C12orf42: variants seen among roughly 807,000 people sequenced by gnomAD.
C12orf42 encodes uncharacterized protein C12orf42.
A neutral mutation model predicts 21.6 loss-of-function variants in C12orf42; 25 were observed. The observed-to-expected ratio is 1.16, with a 90% CI of 0.84 to 1.62. The LOEUF (loss-of-function observed/expected upper bound fraction) is 1.62, where lower values mean the gene tolerates loss of function less well. Ranked by LOEUF, C12orf42 falls within the 40% of genes most tolerant of loss-of-function variation. C12orf42 has a pLI of 0.00. For synonymous variants in C12orf42, 174 were observed against 175.0 expected (o/e 0.99, Z 0.05); for missense variants, 483 against 459.3 (o/e 1.05, Z -0.47).
downstream of C12orf42, among the ~76,000 whole-genome samples, chr12:103,234,140 T>C (rs1352338260): frequency 6.6e-6 from 1 of 152,216 alleles, no homozygotes; most frequent in Non-Finnish European, 1.5e-5. Flanking sequence ...AGCCTTGGCA[T>C]CCCTGGGATA....
At chr12:103,187,116 C>G in the C12orf42 span, among the ~76,000 whole-genome samples, 2 of 152,112 alleles carry the variant, frequency 1.3e-5, no homozygotes, top group Non-Finnish European at 2.9e-5. Flanking sequence ...TAGACTCATT[C>G]TCTTGGAGGG....
intron 2 of C12orf42, among the ~76,000 whole-genome samples, chr12:103,440,218 T>G (rs901423921): frequency 7.4e-6 from 1 of 135,798 alleles, no homozygotes; most frequent in East Asian, 2.2e-4. Context: ...TGAGATCACA[T>G]GGACACAGGA....
At chr12:103,403,118 G>T (rs1468342810) in intron 2 of C12orf42, among the ~76,000 whole-genome samples, 1 of 152,176 alleles carries the variant, frequency 6.6e-6, no homozygotes, top group Non-Finnish European at 1.5e-5. Flanking sequence ...GCTCACACGT[G>T]TAATCCCAGC....
At chr12:103,185,178 C>T in the C12orf42 span, among the ~76,000 whole-genome samples, 4 of 152,076 alleles carry the variant, frequency 2.6e-5, no homozygotes, top group Admixed American at 2.0e-4. Context: ...CTATTGTAGA[C>T]ATTTAGGATT....
chr12:103,393,075 CT>C (rs767118081), intron 3 of C12orf42, among the ~76,000 whole-genome samples: 2 of 152,086 alleles, frequency 1.3e-5, no homozygotes, highest in African/African-American at 2.4e-5. Context: ...TATTTAATTC[CT>C]TTTTTGGTCA....
At chr12:103,092,072 G>A in the C12orf42 span, among the ~76,000 whole-genome samples, 1 of 152,276 alleles carries the variant, frequency 6.6e-6, no homozygotes, top group South Asian at 2.1e-4. Context: ...GGTTTGCTAT[G>A]TTCTTGTTTG....
intron 4 of C12orf42, among the ~76,000 whole-genome samples, chr12:103,277,765 A>G (rs1593265951): frequency 6.6e-6 from 1 of 151,712 alleles, no homozygotes; most frequent in South Asian, 2.1e-4. Flanking sequence ...GACCACAGGC[A>G]CCCGCCAAAA....
At chr12:103,118,677 A>G in the C12orf42 span, among the ~76,000 whole-genome samples, 1 of 143,474 alleles carries the variant, frequency 7.0e-6, no homozygotes, top group Admixed American at 7.2e-5. Flanking sequence ...GGGCGCCTGT[A>G]GTCCCAGCTA....
At chr12:103,497,218 T>A (rs1044135657), upstream of C12orf42, among the ~76,000 whole-genome samples, 2 of 152,210 alleles carry the variant, frequency 1.3e-5, no homozygotes, top group African/African-American at 4.8e-5. Flanking sequence ...GGCTTTGACA[T>A]AATAGATGAA....
rs116786080 is a variant in C12orf42, at chr12:103,402,078, C to T, written c.79-403G>A. Reference sequence around the variant, plus strand: ...ACCTCCCATAGCCTGAAGCCCATCCCAGCTGAGCCCAATGCAGCCATAGTC... The same window carrying T: ...ACCTCCCATAGCCTGAAGCCCATCCTAGCTGAGCCCAATGCAGCCATAGTC... On this transcript the variant is annotated intron_variant, in intron 2 of 5. Transcript: ENST00000548883. Among the ~76,000 whole-genome samples the T allele has an allele frequency of 5.6e-3, 850 of 152,292 alleles. 9 individuals carry two copies. Among genetic ancestry groups the T allele is most frequent in the African/African-American group, 0.02 (820 of 41,562 alleles).
At chr12:103,559,924 G>A in the C12orf42 span, 1 of 152,170 alleles carries the variant, frequency 6.6e-6, no homozygotes, top group African/African-American at 2.4e-5. Context: ...ATGCTTCAAA[G>A]TTGTTTAATT....
At chr12:103,287,903 G>A (rs2136346132) in intron 4 of C12orf42, among the ~76,000 whole-genome samples, 1 of 152,236 alleles carries the variant, frequency 6.6e-6, no homozygotes, top group South Asian at 2.1e-4. Context: ...CGGAGCTGGA[G>A]CAAAGAGGAA....
chr12:103,376,092 C>T (rs1191460285), intron 3 of C12orf42, among the ~76,000 whole-genome samples: 1 of 152,136 alleles, frequency 6.6e-6, no homozygotes, highest in Non-Finnish European at 1.5e-5. Flanking sequence ...TTGAAAATTT[C>T]CGTCTTACTT....
At chr12:103,511,050 T>C in the C12orf42 span, among the ~76,000 whole-genome samples, 16 of 152,226 alleles carry the variant, frequency 1.1e-4, no homozygotes, top group African/African-American at 3.6e-4. Flanking sequence ...ATTCTAACTC[T>C]CAAGAGGTAT....
the C12orf42 span, among the ~76,000 whole-genome samples, chr12:103,188,149 G>T: frequency 2.0e-5 from 3 of 152,150 alleles, no homozygotes; most frequent in Non-Finnish European, 4.4e-5. Context: ...TCAGAAATGA[G>T]CAGTTCACCT....
the C12orf42 span, among the ~76,000 whole-genome samples, chr12:103,507,115 ATATT>A: frequency 0.019 from 249 of 12,916 alleles, 17 homozygotes; most frequent in African/African-American, 0.11. Context: ...ATATAAATAT[ATATT>A]TATATATAAT....
chr12:103,411,456 A>G (rs2048838792), intron 2 of C12orf42, among the ~76,000 whole-genome samples: 1 of 152,196 alleles, frequency 6.6e-6, no homozygotes, highest in African/African-American at 2.4e-5. Context: ...TTGTGATACA[A>G]ACAATTATTG....
At chr12:103,116,419 T>A in the C12orf42 span, among the ~76,000 whole-genome samples, 4 of 148,762 alleles carry the variant, frequency 2.7e-5, no homozygotes, top group Non-Finnish European at 5.9e-5. Context: ...TACATATATA[T>A]ATATAAATTT....
At chr12:103,297,400 C>T (rs139131308), downstream of C12orf42, among the ~76,000 whole-genome samples, 880 of 152,122 alleles carry the variant, frequency 5.8e-3, 10 homozygotes, top group African/African-American at 0.02. Flanking sequence ...AAGACTAAAC[C>T]AGGAAGAAGT....
Sources: gnomAD v4.1 joint callset for allele counts (sites outside exome capture counted in the v4.1 genomes callset) on GRCh38, gnomAD v4.1.1 for gene constraint, MANE v1.5 for transcripts, NCBI Gene and HGNC (gene_info 2026-07-23, HGNC 2026-07-21) for gene names.